The following GABRB1 variants were observed in gnomAD, a reference collection of about 807,000 sequenced individuals.
GABRB1 encodes the protein gamma-aminobutyric acid type A receptor subunit beta1.
A neutral mutation model predicts 51.6 loss-of-function variants in GABRB1; 17 were observed. The ratio of observed to expected loss-of-function variants is 0.33; its 90% CI spans 0.23 to 0.49. The LOEUF is 0.49. GABRB1 is among the 20% of genes least tolerant of loss of function. GABRB1 has a pLI of 0.99. For missense variants in GABRB1, 410 were observed against 600.6 expected (o/e 0.68, Z 3.32); for synonymous variants, 247 against 218.9 (o/e 1.13, Z -1.14).
At chr4:47,145,468 C>G (rs755024335) in intron 3 of GABRB1, among the ~76,000 whole-genome samples, 9 of 152,130 alleles carry the variant, frequency 5.9e-5, no homozygotes, top group Non-Finnish European at 1.2e-4. Flanking sequence ...AGAGTGTCTT[C>G]TTCAAATACT....
At chr4:47,413,599 T>C (rs141209883) in intron 8 of GABRB1, among the ~76,000 whole-genome samples, 5 of 152,362 alleles carry the variant, frequency 3.3e-5, no homozygotes, top group African/African-American at 1.2e-4. Context: ...AACAGTTAAA[T>C]TTAAATGACA....
chr4:47,067,997 G>T lies in GABRB1; in HGVS notation c.240+35513G>T, dbSNP rs577933213. Among the ~76,000 whole-genome samples the T allele has an allele frequency of 2.6e-5, 4 of 152,214 alleles. No individual in the cohort carries two copies. The East Asian group carries it at 7.7e-4, about 29-fold the overall frequency. On this transcript the variant is annotated intron_variant, in intron 3 of 8. Coordinates refer to ENST00000295454, the MANE Select transcript of GABRB1 (RefSeq NM_000812.4). ...ATGTGGTGTTTTGTTTTCTGTTCCTGCATTAGTTTGCTGAGGATAATGGCT... is the reference window on the plus strand; with the variant it reads ...ATGTGGTGTTTTGTTTTCTGTTCCTTCATTAGTTTGCTGAGGATAATGGCT...
chr4:47,150,343 C>T (rs13143701), intron 3 of GABRB1, among the ~76,000 whole-genome samples: 14 of 119,414 alleles, frequency 1.2e-4, no homozygotes, highest in East Asian at 2.3e-4. Flanking sequence ...CACACACACA[C>T]GCACATACAC....
intron 8 of GABRB1, among the ~76,000 whole-genome samples, chr4:47,423,670 A>T (rs1729165240): frequency 6.6e-6 from 1 of 152,220 alleles, no homozygotes; most frequent in African/African-American, 2.4e-5. Flanking sequence ...GCCTTGGCCA[A>T]AACAGGTGGA....
At chr4:47,230,931 A>G (rs1229366731) in intron 4 of GABRB1, among the ~76,000 whole-genome samples, 1 of 152,166 alleles carries the variant, frequency 6.6e-6, no homozygotes, top group Non-Finnish European at 1.5e-5. Flanking sequence ...AATTCCATGT[A>G]ACAGGCCCTC....
At chr4:47,120,083 A>G (rs560474618) in intron 3 of GABRB1, among the ~76,000 whole-genome samples, 1 of 152,328 alleles carries the variant, frequency 6.6e-6, no homozygotes, top group East Asian at 1.9e-4. Context: ...TGCAGGAAAA[A>G]ATAAATTTTA....
intron 5 of GABRB1, among the ~76,000 whole-genome samples, chr4:47,380,508 A>G (rs1410233565): frequency 2.0e-5 from 3 of 152,200 alleles, no homozygotes; most frequent in Admixed American, 6.5e-5. Flanking sequence ...AATTAGCACT[A>G]TGGGATGTGG....
intron 4 of GABRB1, among the ~76,000 whole-genome samples, chr4:47,202,190 G>C (rs958396617): frequency 6.6e-5 from 10 of 152,150 alleles, no homozygotes; most frequent in Admixed American, 1.3e-4. Context: ...ATGATAGTGA[G>C]TGAGCTCTCA....
At chr4:47,040,372 C>T (rs1725787198) in intron 3 of GABRB1, among the ~76,000 whole-genome samples, 1 of 152,112 alleles carries the variant, frequency 6.6e-6, no homozygotes, top group Non-Finnish European at 1.5e-5. Context: ...GATGCCTAAA[C>T]TAGTACTTTC....
At chr4:47,124,441 G>A (rs1716019938) in intron 3 of GABRB1, among the ~76,000 whole-genome samples, 1 of 151,954 alleles carries the variant, frequency 6.6e-6, no homozygotes, top group African/African-American at 2.4e-5. Context: ...ATCAACACAA[G>A]ACTACACAAT....
At chr4:47,254,783 A>T (rs1180198231) in intron 4 of GABRB1, among the ~76,000 whole-genome samples, 1 of 152,168 alleles carries the variant, frequency 6.6e-6, no homozygotes, top group Non-Finnish European at 1.5e-5. Context: ...TTTGGGAGAG[A>T]CATTATTATA....
At chr4:47,301,462 T>G (rs1375445708) in intron 4 of GABRB1, among the ~76,000 whole-genome samples, 2 of 140,656 alleles carry the variant, frequency 1.4e-5, no homozygotes, top group African/African-American at 4.9e-5. Context: ...CATAGTGAGA[T>G]CCCCATCTCT....
chr4:47,008,852 C>CTTTTTTTTTTTTTGTTTTTT lies in GABRB1; in HGVS notation c.-20+14926_-20+14927insTTTTTTTTTTTTTGTTTTTT, dbSNP rs777676653. Among the ~76,000 whole-genome samples, 2 of 56,476 alleles carry CTTTTTTTTTTTTTGTTTTTT rather than the reference C, an allele frequency of 3.5e-5. 1 individual carries two copies. Among genetic ancestry groups the CTTTTTTTTTTTTTGTTTTTT allele is most frequent in the Non-Finnish European group, 6.0e-5 (2 of 33,376 alleles). 37.1% of individuals were successfully genotyped at this position (56,476 alleles called of 152,430 possible). On this transcript the variant is annotated intron_variant, in intron 1 of 3. Coordinates refer to the GABRB1 transcript ENST00000513567. ...CACCCTGTCACGCTATCAGATACTA[C>CTTTTTTTTTTTTTGTTTTTT]CTTTTTTTTTTTTTTTTTTTTTTTT...
intron 5 of GABRB1, among the ~76,000 whole-genome samples, chr4:47,332,544 C>A (rs765339692): frequency 2.0e-5 from 3 of 152,092 alleles, no homozygotes; most frequent in Non-Finnish European, 4.4e-5. Context: ...TTATTCTTAT[C>A]TTTAAGATGA....
chr4:47,218,504 T>C (rs760842533), intron 4 of GABRB1, among the ~76,000 whole-genome samples: 24 of 151,900 alleles, frequency 1.6e-4, no homozygotes, highest in Admixed American at 2.6e-4. Context: ...TGTTACTTTT[T>C]TGTCTTTTTG....
chr4:47,139,993 C>T (rs1022279613), intron 3 of GABRB1, among the ~76,000 whole-genome samples: 3 of 151,770 alleles, frequency 2.0e-5, no homozygotes, highest in Admixed American at 6.6e-5. Context: ...GAAGATAGGA[C>T]AGCAGCGGTA....
chr4:47,314,301 T>A (rs563328759), intron 4 of GABRB1, among the ~76,000 whole-genome samples: 62 of 152,146 alleles, frequency 4.1e-4, no homozygotes, highest in Admixed American at 9.2e-4. Context: ...TTGGGTTTTT[T>A]AAAAATTACT....
chr4:47,040,612 T>A (rs1725798929), intron 3 of GABRB1, among the ~76,000 whole-genome samples: 1 of 152,008 alleles, frequency 6.6e-6, no homozygotes, highest in Admixed American at 6.6e-5. Context: ...AAAATTAGAG[T>A]ATATTATAAG....
At chr4:47,110,649 T>C (rs763494239) in intron 3 of GABRB1, among the ~76,000 whole-genome samples, 1 of 152,166 alleles carries the variant, frequency 6.6e-6, no homozygotes, top group Non-Finnish European at 1.5e-5. Context: ...GTAAATGAGA[T>C]AGGATTTAAT....
Sources: gnomAD v4.1 joint callset for allele counts (sites outside exome capture counted in the v4.1 genomes callset) on GRCh38, gnomAD v4.1.1 for gene constraint, MANE v1.5 for transcripts, NCBI Gene and HGNC (gene_info 2026-07-23, HGNC 2026-07-21) for gene names.